The following APOO variants were observed in gnomAD, a reference collection of about 807,000 sequenced individuals.
The protein encoded by APOO is apolipoprotein O.
APOO carries 11 observed loss-of-function variants against 23.1 expected under a neutral mutation model. The observed-to-expected ratio is 0.48, with a 90% CI of 0.30 to 0.79. The LOEUF is 0.79. Ranked by LOEUF, APOO falls within the 30% of genes least tolerant of loss-of-function variation. The pLI is 0.07. For missense variants in APOO, 160 were observed against 142.7 expected (o/e 1.12, Z -0.62); for synonymous variants, 59 against 54.8 (o/e 1.08, Z -0.34).
In APOO at chrX:23,851,729, C is replaced by T. The variant is rs373853124; in HGVS notation, c.561+4573G>A. Among the ~76,000 whole-genome samples the T allele has an allele frequency of 1.2e-4, 14 of 112,090 alleles. No individual in the cohort carries two copies. In the East Asian group the frequency reaches 2.8e-3, roughly 22 times the overall value. On this transcript the variant is annotated intron_variant, in intron 7 of 8. Coordinates refer to ENST00000379226, the MANE Select transcript of APOO (RefSeq NM_024122.5). Reference sequence around the variant, plus strand: ...AGTAACCAATGATGACAGACTGAAACACTACTTTATTGGTAGAAGACTCAG... The same window carrying T: ...AGTAACCAATGATGACAGACTGAAATACTACTTTATTGGTAGAAGACTCAG...
At chrX:23,855,661 G>A (rs1319921164) in intron 7 of APOO, among the ~76,000 whole-genome samples, 3 of 111,492 alleles carry the variant, frequency 2.7e-5, no homozygotes, top group Non-Finnish European at 5.6e-5. Context: ...GGGAGGAAGG[G>A]AATGTTCCAA....
At chrX:23,855,668 C>T (rs1924751327) in intron 7 of APOO, among the ~76,000 whole-genome samples, 1 of 111,195 alleles carries the variant, frequency 9.0e-6, no homozygotes, top group East Asian at 2.8e-4. Flanking sequence ...AGGGAATGTT[C>T]CAAGCGAACA....
intron 1 of APOO, among the ~76,000 whole-genome samples, chrX:23,888,743 G>A (rs1168157832): frequency 1.9e-5 from 2 of 107,209 alleles, no homozygotes; most frequent in African/African-American, 6.8e-5. Context: ...CCAGCTACTC[G>A]GGAGGCTGAG....
chrX:23,894,797 A>C (rs1926826295), intron 1 of APOO, among the ~76,000 whole-genome samples: 1 of 107,494 alleles, frequency 9.3e-6, no homozygotes, highest in African/African-American at 3.4e-5. Flanking sequence ...ACTCCGCTTA[A>C]AAAAAAAAAG....
intron 5 of APOO, among the ~76,000 whole-genome samples, chrX:23,865,523 G>A (rs1274071077): frequency 9.2e-6 from 1 of 109,082 alleles, no homozygotes; most frequent in Non-Finnish European, 1.9e-5. Flanking sequence ...AGAATCACCC[G>A]AACCCAGGAG....
At chrX:23,904,415 G>A (rs1296066719) in intron 1 of APOO, among the ~76,000 whole-genome samples, 1 of 110,150 alleles carries the variant, frequency 9.1e-6, no homozygotes, top group East Asian at 2.8e-4. Context: ...ATGAGAAAGT[G>A]TGTATGTTAC....
intron 1 of APOO, among the ~76,000 whole-genome samples, chrX:23,897,518 T>A (rs1926950534): frequency 8.9e-6 from 1 of 112,141 alleles, no homozygotes; most frequent in South Asian, 3.6e-4. Flanking sequence ...ATGTGTTTTT[T>A]TCTCTATTAG....
intron 4 of APOO, among the ~76,000 whole-genome samples, chrX:23,871,524 G>C (rs1569236141): frequency 1.8e-5 from 2 of 111,320 alleles, no homozygotes; most frequent in African/African-American, 6.5e-5. Context: ...CTCTAAGCCT[G>C]ATCATGCTGG....
intron 8 of APOO, chrX:23,837,056 G>A (rs947065862): frequency 4.3e-5 from 31 of 721,712 alleles, no homozygotes; most frequent in African/African-American, 2.5e-4. Flanking sequence ...ATCTTGTAAC[G>A]GAAGCCCAGT....
chrX:23,886,524 T>G (rs1324308883), intron 1 of APOO, among the ~76,000 whole-genome samples: 1 of 111,940 alleles, frequency 8.9e-6, no homozygotes, highest in Non-Finnish European at 1.9e-5. Flanking sequence ...ACCTAATCCA[T>G]GCCAAGCTCA....
At chrX:23,907,190 G>A (rs986987255) in intron 1 of APOO, among the ~76,000 whole-genome samples, 8 of 110,872 alleles carry the variant, frequency 7.2e-5, no homozygotes, top group Non-Finnish European at 1.1e-4. Context: ...AATGTTCCCT[G>A]AGGAGTGGAG....
intron 1 of APOO, among the ~76,000 whole-genome samples, chrX:23,891,187 C>A (rs1926635128): frequency 9.0e-6 from 1 of 111,129 alleles, no homozygotes; most frequent in Admixed American, 9.7e-5. Context: ...TTAACTCTCT[C>A]CTCTTCTCAC....
chrX:23,905,656 C>T (rs1350220951), intron 1 of APOO, among the ~76,000 whole-genome samples: 1 of 111,487 alleles, frequency 9.0e-6, no homozygotes, highest in Non-Finnish European at 1.9e-5. Context: ...CCTATAGACT[C>T]CTTCTCAAAA....
rs1270906537 is a variant in APOO at position 23,838,370 on chromosome X, AAAAAAAAG to A, written c.*29+1935_*29+1942del. On this transcript the variant is annotated intron_variant, in intron 8 of 8. Transcript: ENST00000379226. ...GAAACTCTATCTCAAAAAAAAAAAA[AAAAAAAAG>A]AAAGAAAGAAAAAGAAAAGAATAAA... Among the ~76,000 whole-genome samples the A allele has an allele frequency of 2.9e-4, 30 of 103,849 alleles. 1 individual carries two copies. The highest frequency in any genetic ancestry group is 1.1e-3 in the African/African-American group (30 of 28,127). The allele number at this position is 103,849 out of a possible 115,157, so 90.2% of individuals were successfully genotyped here. A position where few individuals can be genotyped will look rare whatever the true frequency, so the allele number is the denominator to read the frequency against.
intron 7 of APOO, among the ~76,000 whole-genome samples, chrX:23,852,478 G>A (rs180751765): frequency 1.3e-3 from 147 of 109,796 alleles, no homozygotes; most frequent in Non-Finnish European, 4.7e-4. Context: ...GCCAGGCGTG[G>A]TACTATGTAC....
intron 1 of APOO, among the ~76,000 whole-genome samples, chrX:23,894,334 G>A (rs1056088743): frequency 1.8e-5 from 2 of 109,022 alleles, no homozygotes; most frequent in Non-Finnish European, 3.8e-5. Context: ...TAGTAGAGAC[G>A]GGGTTTTGCC....
intron 1 of APOO, among the ~76,000 whole-genome samples, chrX:23,889,473 T>G (rs1163564846): frequency 2.7e-5 from 3 of 110,668 alleles, no homozygotes; most frequent in Non-Finnish European, 5.7e-5. Context: ...CTTGCTTTCT[T>G]TTTCAACTTT....
intron 6 of APOO, among the ~76,000 whole-genome samples, chrX:23,858,409 A>T (rs1015285293): frequency 1.8e-5 from 2 of 112,169 alleles, no homozygotes; most frequent in Non-Finnish European, 3.8e-5. Context: ...GAACATTCAA[A>T]CAATCACGCA....
chrX:23,894,803 AAAAGT>A (rs1318761190), intron 1 of APOO, among the ~76,000 whole-genome samples: 1 of 110,241 alleles, frequency 9.1e-6, no homozygotes, highest in East Asian at 2.9e-4. Context: ...CTTAAAAAAA[AAAAGT>A]AAAGAAAATC....
Sources: allele counts gnomAD v4.1 joint callset (sites outside exome capture counted in the v4.1 genomes callset), GRCh38; gene constraint gnomAD v4.1.1; transcripts MANE v1.5; gene names NCBI Gene and HGNC (gene_info 2026-07-23, HGNC 2026-07-21).